Variants in CRYBB2 observed in about 807,000 individuals in gnomAD.
The protein encoded by CRYBB2 is crystallin beta B2, also known as beta-crystallin B2.
A neutral mutation model predicts 24.3 loss-of-function variants in CRYBB2; 12 were observed. The observed-to-expected ratio is 0.49, with a 90% CI of 0.32 to 0.80. CRYBB2 has a LOEUF of 0.80. Among genes scored for constraint, CRYBB2 ranks in the 30% least tolerant of loss-of-function variants. CRYBB2 has a pLI of 0.04. For synonymous variants in CRYBB2, 98 were observed against 101.6 expected, an observed-to-expected ratio of 0.96 and a Z score of 0.21; for missense variants, 198 against 268.5, an observed-to-expected ratio of 0.74 and a Z score of 1.83.
chr22:25,221,102 A>G (rs1308727381), intron 1 of CRYBB2, among the ~76,000 whole-genome samples: 3 of 152,148 alleles, frequency 2.0e-5, no homozygotes, highest in Admixed American at 1.3e-4. Context: ...TGTGGTATCC[A>G]TTGTCTGGGG....
intron 5 of CRYBB2, among the ~76,000 whole-genome samples, chr22:25,230,489 G>C (rs1429231290): frequency 6.6e-6 from 1 of 152,082 alleles, no homozygotes; most frequent in African/African-American, 2.4e-5. Flanking sequence ...GAATCTGTGT[G>C]AACTGGTTGA....
At chr22:25,225,356 C>T (rs1000429832) in intron 3 of CRYBB2, among the ~76,000 whole-genome samples, 1 of 152,116 alleles carries the variant, frequency 6.6e-6, no homozygotes, top group Non-Finnish European at 1.5e-5. Context: ...AGAGGTCAGC[C>T]ACTTCCTCAA....
At chr22:25,228,179 C>T (rs560724985) in intron 4 of CRYBB2, among the ~76,000 whole-genome samples, 194 bp downstream of exon 4, 10 of 150,218 alleles carry the variant, frequency 6.7e-5, no homozygotes, top group Middle Eastern at 3.4e-3. Context: ...GCCTCAGTTT[C>T]TTCATCTGTA....
At chr22:25,214,642 T>C (rs1257863441), upstream of CRYBB2, among the ~76,000 whole-genome samples, 2 of 152,260 alleles carry the variant, frequency 1.3e-5, no homozygotes, top group Non-Finnish European at 2.9e-5. Flanking sequence ...TTCTATAATA[T>C]TTGTAAGAGC....
intron 1 of CRYBB2, among the ~76,000 whole-genome samples, chr22:25,214,394 G>T (rs1935141402): frequency 6.6e-6 from 1 of 152,166 alleles, no homozygotes; most frequent in South Asian, 2.1e-4. Context: ...GCTGTAAGTT[G>T]CACCAAGGTG....
chr22:25,230,322 G>C (rs1016336920), intron 5 of CRYBB2, among the ~76,000 whole-genome samples: 1 of 150,230 alleles, frequency 6.7e-6, no homozygotes, highest in African/African-American at 2.5e-5. Flanking sequence ...AAGCTCAGCT[G>C]ATTTTTTGCA....
chr22:25,218,045 G>C (rs538362677), upstream of CRYBB2, among the ~76,000 whole-genome samples: 4 of 151,110 alleles, frequency 2.6e-5, no homozygotes, highest in Non-Finnish European at 4.4e-5. Flanking sequence ...GGATAATGAG[G>C]TCAGGAGATC....
upstream of CRYBB2, among the ~76,000 whole-genome samples, chr22:25,214,743 G>A (rs5760912): frequency 0.15 from 22,893 of 152,056 alleles, 2,248 homozygotes; most frequent in East Asian, 0.39. Context: ...TTAATTCTTC[G>A]CAAGTGTGGG....
upstream of CRYBB2, among the ~76,000 whole-genome samples, chr22:25,218,745 GA>G (rs1569015996): frequency 4.3e-3 from 120 of 28,146 alleles, 5 homozygotes; most frequent in African/African-American, 0.011. Flanking sequence ...GGGAGAGAGA[GA>G]GAGAGAGAGA....
At chr22:25,223,740 C>T (rs909005702) in intron 2 of CRYBB2, among the ~76,000 whole-genome samples, 4 of 152,230 alleles carry the variant, frequency 2.6e-5, no homozygotes, top group South Asian at 4.1e-4. Context: ...GTAGCTGCCC[C>T]GACTGAGAGT....
At chr22:25,213,095 A>T (rs1935126282) in intron 1 of CRYBB2, among the ~76,000 whole-genome samples, 1 of 152,116 alleles carries the variant, frequency 6.6e-6, no homozygotes. Flanking sequence ...GAGTTAGGAC[A>T]TTTTATTATT....
chr22:25,218,818 G>GAAAGAAAGAAAGAAAGAAAGAAAGA (rs1569016422), upstream of CRYBB2, among the ~76,000 whole-genome samples: 26 of 65,274 alleles, frequency 4.0e-4, no homozygotes, highest in African/African-American at 2.0e-3. Flanking sequence ...AAGAAAGAAA[G>GAAAGAAAGAAAGAAAGAAAGAAAGA]AAAGAAAGAA....
upstream of CRYBB2, among the ~76,000 whole-genome samples, chr22:25,217,805 G>A (rs1022030686): frequency 6.6e-6 from 1 of 152,158 alleles, no homozygotes; most frequent in African/African-American, 2.4e-5. Context: ...CCAGCTAGGG[G>A]GCTGGGGCAT....
At chr22:25,228,909 CGTGTGTGTGTACAT>C (rs1569021155) in intron 4 of CRYBB2, among the ~76,000 whole-genome samples, 1 of 152,198 alleles carries the variant, frequency 6.6e-6, no homozygotes, top group African/African-American at 2.4e-5. Context: ...TTAGCCTGTG[CGTGTGTGTGTACAT>C]GTGTGGGTGT....
In CRYBB2 at chr22:25,227,928, C is replaced by A. The variant is rs555828404; in HGVS notation, c.249C>A (p.Asp83Glu). The change falls in exon 4 of 6, where the codon GAC becomes GAA. Residue 83 changes from aspartate (D) to glutamate (E), a missense_variant. Asp to Glu is a conservative substitution (Grantham distance 45). Coordinates refer to ENST00000398215, the MANE Select transcript of CRYBB2 (RefSeq NM_000496.3). ...AGAAGGGTGAGTACCCCCGCTGGGA[C>A]TCATGGACCAGCAGCCGAAGGACGG... ...VFEKGEYPRW[D>E]SWTSSRRTDS... 2 of 1,614,154 alleles carry A rather than the reference C, an allele frequency of 1.2e-6. No homozygotes were observed. The highest frequency in any genetic ancestry group is 3.3e-5 in the Admixed American group (2 of 60,024).
chr22:25,216,816 T>G (rs1935175713), upstream of CRYBB2, among the ~76,000 whole-genome samples: 1 of 152,148 alleles, frequency 6.6e-6, no homozygotes, highest in Admixed American at 6.5e-5. Context: ...TAACCTCTAT[T>G]CTACTTCCAG....
upstream of CRYBB2, among the ~76,000 whole-genome samples, chr22:25,218,207 T>A (rs5760917): frequency 0.011 from 1,710 of 151,084 alleles, 15 homozygotes; most frequent in Non-Finnish European, 0.017. Flanking sequence ...TGCAGTGAGC[T>A]GAGATCGTGC....
chr22:25,218,968 C>T (rs1423217681), upstream of CRYBB2, among the ~76,000 whole-genome samples: 1 of 152,178 alleles, frequency 6.6e-6, no homozygotes, highest in Non-Finnish European at 1.5e-5. Flanking sequence ...GGCACAGGCC[C>T]TATTTGTCAC....
chr22:25,219,441 C>T (rs1195862475), upstream of CRYBB2: 1 of 152,262 alleles, frequency 6.6e-6, no homozygotes, highest in African/African-American at 2.4e-5. Flanking sequence ...GCCTGACCGC[C>T]CTGGCGCGGC....
Sources: gnomAD v4.1 joint callset for allele counts (sites outside exome capture counted in the v4.1 genomes callset) on GRCh38, gnomAD v4.1.1 for gene constraint, MANE v1.5 for transcripts, NCBI Gene and HGNC (gene_info 2026-07-23, HGNC 2026-07-21) for gene names.